RORA: variants seen among roughly 807,000 people sequenced by gnomAD.
The protein encoded by RORA is nuclear receptor ROR-alpha.
A neutral mutation model predicts 69.5 loss-of-function variants in RORA; 7 were observed. That is an observed-to-expected ratio of 0.10 (90% confidence interval 0.06 to 0.19). The LOEUF (loss-of-function observed/expected upper bound fraction) is 0.19. Ranked by LOEUF, RORA falls within the 10% of genes least tolerant of loss-of-function variation. The pLI is 1.00. For synonymous variants in RORA, 261 were observed against 240.8 expected (o/e 1.08, Z -0.78); for missense variants, 457 against 663.0 (o/e 0.69, Z 3.41).
chr15:60,938,359 T>C (rs943763049), intron 1 of RORA, among the ~76,000 whole-genome samples: 3 of 152,214 alleles, frequency 2.0e-5, no homozygotes, highest in Non-Finnish European at 4.4e-5. Context: ...TTAATAAAGA[T>C]GATCATTGTT....
intron 1 of RORA, among the ~76,000 whole-genome samples, chr15:60,692,187 T>C (rs1331710165): frequency 6.6e-6 from 1 of 152,236 alleles, no homozygotes; most frequent in African/African-American, 2.4e-5. Flanking sequence ...GTTGGAATAG[T>C]AGTTTGGCAA....
At chr15:60,615,166 T>G (rs552227853) in intron 2 of RORA, 6 of 1,068,978 alleles carry the variant, frequency 5.6e-6, no homozygotes, top group Non-Finnish European at 6.7e-6. Flanking sequence ...TTAGTGCTAG[T>G]GCACTTGGCA....
At chr15:61,034,724 T>A (rs1175248277) in intron 1 of RORA, among the ~76,000 whole-genome samples, 1 of 140,318 alleles carries the variant, frequency 7.1e-6, no homozygotes, top group African/African-American at 2.7e-5. Context: ...AAAAAAAAAA[T>A]CTTTTTTCTT....
At chr15:60,597,558 ATATATATATATATAT>A (rs1567115193) in intron 2 of RORA, among the ~76,000 whole-genome samples, 1 of 25,164 alleles carries the variant, frequency 4.0e-5, no homozygotes, top group African/African-American at 1.8e-4. Flanking sequence ...CAACATATAT[ATATATATATATATAT>A]ACACATATAT....
chr15:60,830,807 A>T (rs527585913), intron 1 of RORA, among the ~76,000 whole-genome samples: 1 of 152,230 alleles, frequency 6.6e-6, no homozygotes, highest in Non-Finnish European at 1.5e-5. Context: ...TGAGAAACAC[A>T]TGGCAAGTGT....
At chr15:60,763,096 T>TTTTTTTTTTTTTTTTA (rs375632043) in intron 1 of RORA, among the ~76,000 whole-genome samples, 3 of 109,368 alleles carry the variant, frequency 2.7e-5, no homozygotes, top group Admixed American at 1.2e-4. Context: ...TTTTTTTTTT[T>TTTTTTTTTTTTTTTTA]AACCAACCTA....
intron 1 of RORA, among the ~76,000 whole-genome samples, chr15:61,089,276 G>A (rs1482128444): frequency 3.3e-5 from 5 of 152,126 alleles, no homozygotes. Flanking sequence ...TCCAAGATAA[G>A]TGGCCACCCT....
At chr15:61,188,392 CG>C (rs1253151940) in intron 1 of RORA, among the ~76,000 whole-genome samples, 38 of 152,260 alleles carry the variant, frequency 2.5e-4, no homozygotes, top group African/African-American at 9.1e-4. Context: ...GACCCACCAA[CG>C]GGGCCTAGTT....
At chr15:60,882,815 A>G (rs150493910) in intron 1 of RORA, among the ~76,000 whole-genome samples, 1 of 152,166 alleles carries the variant, frequency 6.6e-6, no homozygotes, top group Non-Finnish European at 1.5e-5. Flanking sequence ...TTTGCTTTAC[A>G]ATAAGTACTT....
intron 2 of RORA, among the ~76,000 whole-genome samples, chr15:60,668,971 CT>C (rs755580911): frequency 2.6e-5 from 4 of 152,184 alleles, no homozygotes; most frequent in Non-Finnish European, 5.9e-5. Flanking sequence ...CTGCAGTTGA[CT>C]TTGCCTACCT....
chr15:61,141,772 T>C (rs2079301217), intron 1 of RORA, among the ~76,000 whole-genome samples: 1 of 152,094 alleles, frequency 6.6e-6, no homozygotes, highest in African/African-American at 2.4e-5. Context: ...CTGCTTTGGG[T>C]TTAAATATCC....
chr15:60,698,977 C>T (rs2070945112), intron 1 of RORA, among the ~76,000 whole-genome samples: 1 of 151,926 alleles, frequency 6.6e-6, no homozygotes, highest in South Asian at 2.1e-4. Context: ...GGTATTAGTC[C>T]TTTACTACTT....
chr15:61,213,813 C>T lies in RORA; in HGVS notation c.166+15240G>A, dbSNP rs1400990546. 1 of 152,176 alleles carries T rather than the reference C, an allele frequency of 6.6e-6. No homozygotes were observed. The highest frequency in any genetic ancestry group is 1.5e-5 in the Non-Finnish European group (1 of 68,040). The allele number at this position is 152,176 out of a possible 1,614,324, so 9.4% of individuals were successfully genotyped here. On this transcript the variant is annotated intron_variant, in intron 1 of 10. Coordinates refer to ENST00000335670, the MANE Select transcript of RORA (RefSeq NM_134261.3). The surrounding 1 kb of genome is among the most constrained non-coding windows in gnomAD (Gnocchi z 4.1). Reference sequence around the variant, plus strand: ...GTCGTTCCATTGACTAACATGGGACCTGACACATAGTAAGTGCACAAGAAT... The same window carrying T: ...GTCGTTCCATTGACTAACATGGGACTTGACACATAGTAAGTGCACAAGAAT...
At chr15:60,849,909 T>G (rs1358373544) in intron 1 of RORA, among the ~76,000 whole-genome samples, 1 of 152,084 alleles carries the variant, frequency 6.6e-6, no homozygotes, top group African/African-American at 2.4e-5. Context: ...GTGAGGTGCG[T>G]CTCAAAGGCC....
chr15:61,205,370 C>G (rs969443041), intron 1 of RORA, among the ~76,000 whole-genome samples: 6 of 152,194 alleles, frequency 3.9e-5, no homozygotes, highest in Admixed American at 1.3e-4. Context: ...GTCATAAACT[C>G]TGCATCTTTC....
intron 1 of RORA, among the ~76,000 whole-genome samples, chr15:61,225,802 T>C (rs1415798237): frequency 6.6e-6 from 1 of 152,208 alleles, no homozygotes. Context: ...CTGAAGTCCC[T>C]GAAAGCCTTG....
intron 1 of RORA, among the ~76,000 whole-genome samples, chr15:60,859,861 T>C (rs2073420362): frequency 6.6e-6 from 1 of 152,038 alleles, no homozygotes; most frequent in African/African-American, 2.4e-5. Flanking sequence ...CAGGAGGACA[T>C]AGCAAACGAG....
At chr15:61,068,908 G>A (rs1374203408) in intron 1 of RORA, among the ~76,000 whole-genome samples, 7 of 152,194 alleles carry the variant, frequency 4.6e-5, no homozygotes, top group African/African-American at 1.2e-4. Flanking sequence ...GAAAACCACT[G>A]AAAGCAATTT....
chr15:61,060,055 C>A (rs80010985), intron 1 of RORA, among the ~76,000 whole-genome samples: 1 of 132,718 alleles, frequency 7.5e-6, no homozygotes, highest in African/African-American at 2.7e-5. Context: ...AGAAGAAAGC[C>A]TTTCTGACAA....
Sources: gnomAD v4.1 joint callset for allele counts (sites outside exome capture counted in the v4.1 genomes callset) on GRCh38, gnomAD v4.1.1 for gene constraint, Gnocchi (gnomAD v3.1) non-coding constraint, MANE v1.5 for transcripts, NCBI Gene and HGNC (gene_info 2026-07-23, HGNC 2026-07-21) for gene names.